RNF145: variants seen among roughly 807,000 people sequenced by gnomAD.
The protein encoded by RNF145 is ring finger protein 145.
In RNF145, 12 loss-of-function variants were observed where a neutral mutation model predicts 57.3. That is an observed-to-expected ratio of 0.21 (90% CI 0.13 to 0.34). The LOEUF is 0.34. Among genes scored for constraint, RNF145 ranks in the 10% least tolerant of loss-of-function variants. RNF145 has a pLI of 1.00. For missense variants in RNF145, 429 were observed against 799.0 expected (o/e 0.54, Z 5.58); for synonymous variants, 262 against 288.3 (o/e 0.91, Z 0.92).
intron 3 of RNF145, among the ~76,000 whole-genome samples, chr5:159,190,339 G>A (rs1785244939): frequency 6.6e-6 from 1 of 151,964 alleles, no homozygotes; most frequent in Admixed American, 6.6e-5. Flanking sequence ...AGGCCCTTGA[G>A]CTATATACTT....
intron 1 of RNF145, chr5:159,207,520 A>G (rs1379965731): frequency 1.9e-6 from 3 of 1,550,926 alleles, no homozygotes; most frequent in Non-Finnish European, 2.6e-6. Context: ...AAAAAATTCT[A>G]CCATCAACTA....
intron 8 of RNF145, among the ~76,000 whole-genome samples, chr5:159,167,894 T>C (rs914224225): frequency 6.6e-6 from 1 of 152,158 alleles, no homozygotes; most frequent in Non-Finnish European, 1.5e-5. Context: ...AAATGTTAAT[T>C]TGGAATGTTT....
chr5:159,183,571 A>G (rs928353918), intron 3 of RNF145, among the ~76,000 whole-genome samples: 22 of 152,316 alleles, frequency 1.4e-4, no homozygotes, highest in Admixed American at 1.2e-3. Flanking sequence ...AAAACTAAAA[A>G]ATTAAAAGAA....
intron 9 of RNF145, 91 bp downstream of exon 9, chr5:159,162,840 TA>T: frequency 1.0e-6 from 1 of 952,402 alleles, no homozygotes; most frequent in Non-Finnish European, 1.6e-6. Flanking sequence ...AGTCCACTTA[TA>T]ATCATTCATC....
chr5:159,196,586 C>G lies in RNF145; in HGVS notation c.185-1762G>C, dbSNP rs190468137. Among the ~76,000 whole-genome samples the G allele has an allele frequency of 3.7e-4, 57 of 152,274 alleles. 2 individuals are homozygous for G. Among genetic ancestry groups the G allele is most frequent in the African/African-American group, 1.3e-3 (54 of 41,554 alleles). ...TCAATCATGCCAAAAGCTAAGAAAACATGAGCATGCTTGGGACTAAAGAAA... is the reference window on the plus strand; with the variant it reads ...TCAATCATGCCAAAAGCTAAGAAAAGATGAGCATGCTTGGGACTAAAGAAA... On this transcript the variant is annotated intron_variant, in intron 2 of 10. Transcript: ENST00000424310.
intron 5 of RNF145, among the ~76,000 whole-genome samples, chr5:159,176,203 A>G (rs929381356): frequency 6.6e-6 from 1 of 152,152 alleles, no homozygotes; most frequent in Non-Finnish European, 1.5e-5. Flanking sequence ...GATTTGACTT[A>G]TAGGTATTCA....
intron 4 of RNF145, among the ~76,000 whole-genome samples, chr5:159,178,383 A>T (rs1354896052): frequency 6.6e-6 from 1 of 151,942 alleles, no homozygotes; most frequent in Non-Finnish European, 1.5e-5. Context: ...GGTCTATATA[A>T]GAACTTGTTA....
chr5:159,207,912 G>C, intron 1 of RNF145: 3 of 1,611,764 alleles, frequency 1.9e-6, no homozygotes, highest in Non-Finnish European at 2.5e-6. Flanking sequence ...GCTCAGCCTG[G>C]GTCACGACTG....
chr5:159,187,085 A>T (rs1354130173), intron 3 of RNF145, among the ~76,000 whole-genome samples: 1 of 151,894 alleles, frequency 6.6e-6, no homozygotes, highest in African/African-American at 2.4e-5. Context: ...GTTCAAGAAC[A>T]GCCTGGCCAA....
At position 159,209,419 on chromosome 5, in the gene RNF145, G is replaced by A; in HGVS notation, c.-228C>T. On this transcript the variant is annotated 5_prime_UTR_variant, in exon 1 of 11. Transcript: ENST00000424310. ...TTCTGGGGAGGCGGAGGCAGCGGCAGCGGCAGCGGCCCGGCCCGTACGGTC... is the reference window on the plus strand; with the variant it reads ...TTCTGGGGAGGCGGAGGCAGCGGCAACGGCAGCGGCCCGGCCCGTACGGTC... 1.0e-6 allele frequency: 1 copy of A among 985,206 alleles called. No homozygotes were observed. The allele number at this position is 985,206 out of a possible 1,614,324, so 61.0% of individuals were successfully genotyped here.
At position 159,201,713 on chromosome 5, in the gene RNF145, GA is replaced by G. The variant is rs1337215358; in HGVS notation, c.184+1720del. ...TGCTAACATCTGTATAAAAAGGGGGGAAATATACATTTTTTATATTTACTTA... is the reference window on the plus strand; with the variant it reads ...TGCTAACATCTGTATAAAAAGGGGGGAATATACATTTTTTATATTTACTTA... On this transcript the variant is annotated intron_variant, in intron 2 of 10. Coordinates refer to ENST00000424310, the MANE Select transcript of RNF145 (RefSeq NM_001199383.2). 3.9e-5 allele frequency among the ~76,000 whole-genome samples: 6 copies of G among 152,108 alleles called. No homozygotes were observed. The East Asian group carries it at 9.6e-4, about 24-fold the overall frequency.
intron 4 of RNF145, among the ~76,000 whole-genome samples, chr5:159,177,576 T>G (rs546050035): frequency 6.6e-6 from 1 of 152,192 alleles, no homozygotes; most frequent in South Asian, 2.1e-4. Context: ...TTCCAAATAT[T>G]CCATAATTAT....
chr5:159,201,068 T>C (rs1223151981), intron 2 of RNF145, among the ~76,000 whole-genome samples: 2 of 152,238 alleles, frequency 1.3e-5, no homozygotes, highest in African/African-American at 4.8e-5. Flanking sequence ...TACAAATATA[T>C]ATAAGTTAAC....
chr5:159,182,261 G>A (rs944865266), intron 3 of RNF145, among the ~76,000 whole-genome samples: 1 of 152,024 alleles, frequency 6.6e-6, no homozygotes, highest in Non-Finnish European at 1.5e-5. Flanking sequence ...TTACCATACA[G>A]AGAAAGCTGC....
rs1432631232 is a variant in RNF145, at chr5:159,157,445, ATGTC to A, written c.*1221_*1224del. On this transcript the variant is annotated 3_prime_UTR_variant, in exon 11 of 11. Coordinates refer to ENST00000424310, the MANE Select transcript of RNF145 (RefSeq NM_001199383.2). ...TTTAAATTTATTAAGACATTCAGCT[ATGTC>A]TGTCAGTCTACATCCAAATTTGCTA... 4 of 152,802 alleles carry A rather than the reference ATGTC, an allele frequency of 2.6e-5. No individual in the cohort carries two copies. Among genetic ancestry groups the A allele is most frequent in the Non-Finnish European group, 5.9e-5 (4 of 68,046 alleles). The allele number at this position is 152,802 out of a possible 1,614,324, so 9.5% of individuals were successfully genotyped here. A position where few individuals can be genotyped will look rare whatever the true frequency, so the allele number is the denominator to read the frequency against.
intron 2 of RNF145, among the ~76,000 whole-genome samples, chr5:159,197,255 A>G (rs963996918): frequency 1.3e-5 from 2 of 152,232 alleles, no homozygotes; most frequent in Non-Finnish European, 2.9e-5. Context: ...GAAAACCATA[A>G]AAGTGTAATT....
At chr5:159,169,152 AT>A in intron 7 of RNF145, 97 bp from the exon 8 acceptor site, 1 of 995,236 alleles carries the variant, frequency 1.0e-6, no homozygotes. Flanking sequence ...CTTGTTACAT[AT>A]TTTTAAATCT....
chr5:159,191,227 G>A (rs939754777), intron 3 of RNF145, among the ~76,000 whole-genome samples: 2 of 152,146 alleles, frequency 1.3e-5, no homozygotes, highest in Non-Finnish European at 2.9e-5. Flanking sequence ...AACTTGCTGA[G>A]GTAACATATT....
At chr5:159,171,669 T>C (rs1464439726) in intron 6 of RNF145, among the ~76,000 whole-genome samples, 1 of 152,180 alleles carries the variant, frequency 6.6e-6, no homozygotes, top group Non-Finnish European at 1.5e-5. Flanking sequence ...TGCAGTTTGA[T>C]CTGGTGTGCT....
Sources: gnomAD v4.1 joint callset for allele counts (sites outside exome capture counted in the v4.1 genomes callset) on GRCh38, gnomAD v4.1.1 for gene constraint, MANE v1.5 for transcripts, NCBI Gene and HGNC (gene_info 2026-07-23, HGNC 2026-07-21) for gene names.